Variants in XYLT1 observed in about 807,000 individuals in gnomAD.
XYLT1 encodes xylosyltransferase 1, also known as beta-D-xylosyltransferase 1.
A neutral mutation model predicts 91.3 loss-of-function variants in XYLT1; 36 were observed. That is an observed-to-expected ratio of 0.39 (90% CI 0.30 to 0.52). The LOEUF is 0.52. XYLT1 is among the 20% of genes least tolerant of loss of function. The pLI, the probability that XYLT1 is intolerant of heterozygous loss-of-function variation, is 0.68. For synonymous variants in XYLT1, 588 were observed against 532.0 expected (o/e 1.11, Z -1.45); for missense variants, 1,242 against 1,284.5 (o/e 0.97, Z 0.51).
Position 17,430,464 on chromosome 16 carries a change from C to T in XYLT1, c.363+39970G>A, listed in dbSNP as rs377042043. On this transcript the variant is annotated intron_variant, in intron 1 of 11. Transcript: ENST00000261381. ...CTCAGCCTGTACATGGTTCTGTTTC[C>T]CTGGAGAACCAAACTAATACAGGTG... is the stretch of plus-strand genomic sequence containing the variant. Among the ~76,000 whole-genome samples the T allele has an allele frequency of 9.4e-4, 143 of 152,232 alleles. 1 individual carries two copies. Among genetic ancestry groups the T allele is most frequent in the African/African-American group, 3.2e-3 (134 of 41,546 alleles).
At chr16:17,223,635 A>C (rs970626707) in intron 3 of XYLT1, among the ~76,000 whole-genome samples, 1 of 152,248 alleles carries the variant, frequency 6.6e-6, no homozygotes, top group African/African-American at 2.4e-5. Context: ...TAGTGGAGTC[A>C]GATGGAAAGG....
chr16:17,316,538 A>G (rs2034635080), intron 2 of XYLT1, among the ~76,000 whole-genome samples: 3 of 152,006 alleles, frequency 2.0e-5, no homozygotes, highest in Admixed American at 2.0e-4. Flanking sequence ...TTGGGACTAC[A>G]GGCACGTGCC....
intron 2 of XYLT1, among the ~76,000 whole-genome samples, chr16:17,261,224 A>G (rs967961791): frequency 7.9e-6 from 1 of 126,548 alleles, no homozygotes; most frequent in African/African-American, 3.2e-5. Flanking sequence ...GCCTGGGGGG[A>G]GAGTGAAACT....
chr16:17,293,687 C>G (rs568992168), intron 2 of XYLT1, among the ~76,000 whole-genome samples: 18 of 152,126 alleles, frequency 1.2e-4, no homozygotes, highest in African/African-American at 4.3e-4. Context: ...CAAGGTCTTA[C>G]CACGTTGCCC....
chr16:17,250,755 C>A (rs1174006624), intron 3 of XYLT1: 1 of 152,276 alleles, frequency 6.6e-6, no homozygotes, highest in African/African-American at 2.4e-5. Flanking sequence ...GAAGGAGATG[C>A]CAAAGGGCCC....
chr16:17,309,912 G>A (rs1350628156), intron 2 of XYLT1, among the ~76,000 whole-genome samples: 1 of 152,146 alleles, frequency 6.6e-6, no homozygotes, highest in Non-Finnish European at 1.5e-5. Flanking sequence ...GAAATAAAAT[G>A]CATAGGTCAC....
At chr16:17,268,400 G>A (rs76209478) in intron 2 of XYLT1, among the ~76,000 whole-genome samples, 13,796 of 152,178 alleles carry the variant, frequency 0.091, 780 homozygotes, top group Admixed American at 0.15. Flanking sequence ...TATATAGGAA[G>A]TAATTGATAG....
intron 1 of XYLT1, among the ~76,000 whole-genome samples, chr16:17,360,699 A>G (rs2035369754): frequency 6.6e-6 from 1 of 152,212 alleles, no homozygotes; most frequent in Non-Finnish European, 1.5e-5. Context: ...TCTCGCTTTC[A>G]GCAACATCCT....
At chr16:17,114,608 C>G (rs1966848347) in intron 11 of XYLT1, among the ~76,000 whole-genome samples, 1 of 152,184 alleles carries the variant, frequency 6.6e-6, no homozygotes, top group East Asian at 1.9e-4. Flanking sequence ...TGCTAGGACT[C>G]AAGGCACCTC....
chr16:17,158,983 A>T, intron 5 of XYLT1, 74 bp from the exon 6 acceptor site: 1 of 1,347,254 alleles, frequency 7.4e-7, no homozygotes, highest in Admixed American at 1.7e-5. Context: ...AGCAAGTTTC[A>T]CCAATTATGT....
intron 1 of XYLT1, among the ~76,000 whole-genome samples, chr16:17,414,370 A>G (rs1214941976): frequency 1.3e-5 from 2 of 152,042 alleles, no homozygotes; most frequent in African/African-American, 2.4e-5. Flanking sequence ...TTGCTCTATC[A>G]CCCAGGCCAG....
intron 5 of XYLT1, among the ~76,000 whole-genome samples, chr16:17,183,345 T>C (rs2032111782): frequency 6.6e-6 from 1 of 152,154 alleles, no homozygotes; most frequent in African/African-American, 2.4e-5. Flanking sequence ...TGGATTCTCA[T>C]CCAGATACAG....
At chr16:17,378,301 CTTTTT>C (rs540574923) in intron 1 of XYLT1, among the ~76,000 whole-genome samples, 1 of 149,030 alleles carries the variant, frequency 6.7e-6, no homozygotes, top group South Asian at 2.1e-4. Flanking sequence ...TGTTCCAAGA[CTTTTT>C]TTTTTCACCA....
intron 3 of XYLT1, among the ~76,000 whole-genome samples, chr16:17,208,770 G>C (rs1234857142): frequency 2.6e-5 from 4 of 152,100 alleles, no homozygotes; most frequent in Non-Finnish European, 4.4e-5. Context: ...TGTCACCCAG[G>C]CTGGAGTGCT....
chr16:17,165,397 G>A (rs2031652886), intron 5 of XYLT1, among the ~76,000 whole-genome samples: 1 of 152,178 alleles, frequency 6.6e-6, no homozygotes, highest in Non-Finnish European at 1.5e-5. Flanking sequence ...TATAGAATGG[G>A]CGTAGCCAGC....
rs1489045917 is a variant in XYLT1, at chr16:17,106,094, A to G, written c.*2601T>C. On this transcript the variant is annotated 3_prime_UTR_variant, in exon 12 of 12. Transcript: ENST00000261381. ...CCATGGGAAAAAGGGAAGGGTCCCC[A>G]GAGTCAGCCAGCTCTGCCATTTCTC... The G allele has an allele frequency of 6.6e-6, 1 of 152,258 alleles. No homozygotes were observed. The highest frequency in any genetic ancestry group is 1.5e-5 in the Non-Finnish European group (1 of 68,066). 9.4% of individuals were successfully genotyped at this position (152,258 alleles called of 1,614,324 possible).
At chr16:17,390,190 G>C (rs2035799554) in intron 1 of XYLT1, among the ~76,000 whole-genome samples, 1 of 152,128 alleles carries the variant, frequency 6.6e-6, no homozygotes, top group African/African-American at 2.4e-5. Flanking sequence ...GGGGAGGCGA[G>C]TACAAGGAAT....
chr16:17,313,591 T>G (rs1210380063), intron 2 of XYLT1, among the ~76,000 whole-genome samples: 1 of 152,110 alleles, frequency 6.6e-6, no homozygotes, highest in Non-Finnish European at 1.5e-5. Flanking sequence ...GTGGGTGAAT[T>G]CTTTCCTTCA....
intron 3 of XYLT1, among the ~76,000 whole-genome samples, chr16:17,234,701 A>AATAAATAAATAAATAC (rs2033220395): frequency 6.6e-6 from 1 of 151,658 alleles, no homozygotes; most frequent in African/African-American, 2.4e-5. Flanking sequence ...TGATAAAATA[A>AATAAATAAATAAATAC]ATAAATAAAT....
Sources: allele counts gnomAD v4.1 joint callset (sites outside exome capture counted in the v4.1 genomes callset), GRCh38; gene constraint gnomAD v4.1.1; transcripts MANE v1.5; gene names NCBI Gene and HGNC (gene_info 2026-07-23, HGNC 2026-07-21).